The following TDRD10 variants were observed in gnomAD, a reference collection of about 807,000 sequenced individuals.
The protein encoded by TDRD10 is tudor domain-containing protein 10.
Under a neutral mutation model 48.0 loss-of-function variants are expected in TDRD10, and 40 were observed. The observed-to-expected ratio is 0.83, with a 90% confidence interval of 0.65 to 1.09. The LOEUF is 1.09. Among genes scored for constraint, TDRD10 ranks in the 50% least tolerant of loss-of-function variants. TDRD10 has a pLI of 0.00. For missense variants in TDRD10, 378 were observed against 434.7 expected, an observed-to-expected ratio of 0.87 and a Z score of 1.16; for synonymous variants, 162 against 170.4, an observed-to-expected ratio of 0.95 and a Z score of 0.38.
At chr1:154,542,121 G>A in intron 7 of TDRD10, 55 bp downstream of exon 7, 1 of 1,592,758 alleles carries the variant, frequency 6.3e-7, no homozygotes, top group South Asian at 1.1e-5. Flanking sequence ...GCTCCTAATG[G>A]ACCTCTTCCA....
Position 154,513,843 on chromosome 1 carries a change from A to G in TDRD10, c.141+5362A>G, listed in dbSNP as rs139974481. ...AACAGCTGACCTGATTTCTAGAACA[A>G]TTCAGTCACGGAAAAATTAAAGTAG... is the stretch of plus-strand genomic sequence containing the variant. On this transcript the variant is annotated intron_variant, in intron 4 of 12. Transcript: ENST00000368482. 4.9e-4 allele frequency among the ~76,000 whole-genome samples: 74 copies of G among 152,328 alleles called. 1 individual carries two copies. In the East Asian group the frequency reaches 0.013, roughly 26 times the overall value.
chr1:154,507,820 T>C (rs1693234811), intron 3 of TDRD10, among the ~76,000 whole-genome samples: 1 of 152,186 alleles, frequency 6.6e-6, no homozygotes, highest in Non-Finnish European at 1.5e-5. Context: ...ATGAGCAATT[T>C]CCCAAATGTG....
intron 6 of TDRD10, among the ~76,000 whole-genome samples, chr1:154,535,766 A>C (rs1428692459): frequency 6.6e-6 from 1 of 152,204 alleles, no homozygotes; most frequent in East Asian, 1.9e-4. Flanking sequence ...GAAAGCTATG[A>C]AGGAGTGTGT....
intron 6 of TDRD10, among the ~76,000 whole-genome samples, chr1:154,539,124 G>A (rs1480224342): frequency 1.3e-5 from 2 of 152,094 alleles, no homozygotes; most frequent in African/African-American, 4.8e-5. Flanking sequence ...TCTTGAATCC[G>A]CACTTGTAAC....
In TDRD10 at chr1:154,544,190, G is replaced by A. The variant is rs116227097; in HGVS notation, c.651+80G>A. The stretch of plus-strand genomic sequence containing the variant: ...CTAGGGTGGGCATGGTGACGGGGCC[G>A]GTCAGTGGTGGAGATGCAGGGTAAC... On this transcript the variant is annotated intron_variant, in intron 9 of 12. Transcript: ENST00000368482. The A allele has an allele frequency of 3.0e-3, 4,794 of 1,596,868 alleles. 122 individuals are homozygous for A. In the African/African-American group the frequency reaches 0.054, roughly 18 times the overall value.
chr1:154,508,398 C>G (rs753463943), intron 3 of TDRD10, 25 bp from the exon 4 acceptor site: 8 of 1,542,902 alleles, frequency 5.2e-6, no homozygotes, highest in Non-Finnish European at 7.2e-6. Flanking sequence ...GTATGCCTGC[C>G]ATTTAATGCT....
chr1:154,503,582 C>T (rs1455282501), intron 1 of TDRD10, among the ~76,000 whole-genome samples: 1 of 152,014 alleles, frequency 6.6e-6, no homozygotes, highest in South Asian at 2.1e-4. Flanking sequence ...AGCGAGACTC[C>T]GTCTCAAAAA....
chr1:154,541,931 T>C, intron 6 of TDRD10, 93 bp from the exon 7 acceptor site: 1 of 1,305,972 alleles, frequency 7.7e-7, no homozygotes, highest in Non-Finnish European at 1.1e-6. Flanking sequence ...CTGCCGATGC[T>C]CTGTCTCCCA....
intron 11 of TDRD10, 36 bp from the exon 12 acceptor site, chr1:154,547,373 G>A (rs201570392): frequency 6.8e-6 from 11 of 1,613,076 alleles, no homozygotes; most frequent in Admixed American, 6.7e-5. Context: ...CCAACCCCGT[G>A]CCACTGAGGT....
chr1:154,529,411 C>T (rs948997669), intron 6 of TDRD10, among the ~76,000 whole-genome samples: 4 of 152,030 alleles, frequency 2.6e-5, no homozygotes, highest in East Asian at 1.9e-4. Flanking sequence ...AATATAACAT[C>T]GAAAACTCAA....
At chr1:154,546,685 C>G (rs1184042585) in intron 11 of TDRD10, among the ~76,000 whole-genome samples, 3 of 151,988 alleles carry the variant, frequency 2.0e-5, no homozygotes, top group Non-Finnish European at 4.4e-5. Flanking sequence ...TCAGGTGACC[C>G]AGGGAAGAGG....
At chr1:154,524,422 C>T (rs1452450658) in intron 6 of TDRD10, among the ~76,000 whole-genome samples, 1 of 152,176 alleles carries the variant, frequency 6.6e-6, no homozygotes, top group African/African-American at 2.4e-5. Context: ...CCACCTTGGC[C>T]TCTCAAAGTG....
rs369883839 is a variant in TDRD10 at position 154,547,546 on chromosome 1, G to A, written c.1023+67G>A. 10 of 1,614,118 alleles carry A rather than the reference G, an allele frequency of 6.2e-6. No homozygotes were observed. The South Asian group carries it at 7.7e-5, about 12-fold the overall frequency. On this transcript the variant is annotated intron_variant, in intron 12 of 12. Coordinates refer to ENST00000368482, the MANE Select transcript of TDRD10 (RefSeq NM_182499.4). Reference sequence around the variant, plus strand: ...CCTGCCCTTGGGGTGTCTGCAGCAGGCTGCTGCCTAGGCCTGGACACAGTA... The same window carrying A: ...CCTGCCCTTGGGGTGTCTGCAGCAGACTGCTGCCTAGGCCTGGACACAGTA...
intron 6 of TDRD10, among the ~76,000 whole-genome samples, chr1:154,532,774 G>A (rs1182570899): frequency 6.6e-6 from 1 of 152,200 alleles, no homozygotes; most frequent in African/African-American, 2.4e-5. Flanking sequence ...TTCCTCTGAT[G>A]CTGCTCCCAC....
intron 6 of TDRD10, among the ~76,000 whole-genome samples, chr1:154,541,207 G>A (rs1695208827): frequency 6.6e-6 from 1 of 151,882 alleles, no homozygotes; most frequent in Non-Finnish European, 1.5e-5. Context: ...CAGCAGGGTG[G>A]GTCTGCAGGG....
chr1:154,519,858 G>A (rs2149325046), intron 4 of TDRD10, among the ~76,000 whole-genome samples: 1 of 152,152 alleles, frequency 6.6e-6, no homozygotes, highest in South Asian at 2.1e-4. Context: ...GAGGAGAAGG[G>A]TGTGGGGAAA....
Position 154,544,496 on chromosome 1 carries a change from A to T in TDRD10, c.776A>T (p.Asp259Val). ...TRCLAEYHLG[D>V]YGHAWNRCWV... ...TGTCTGGCAGAGTACCACCTGGGGGATTATGGACACGCCTGGAACAGGTGT... is the reference window on the plus strand; with the variant it reads ...TGTCTGGCAGAGTACCACCTGGGGGTTTATGGACACGCCTGGAACAGGTGT... The change falls in exon 10 of 13, where the codon GAT (aspartate) becomes GTT (valine). Residue 259 changes from aspartate to valine, a missense_variant. Physicochemically the swap from Asp to Val is radical, Grantham distance 152. Around this residue, in one of 2 missense-constraint regions of TDRD10, gnomAD observed 310 missense variants for 323.6 expected, o/e 0.96. Coordinates refer to ENST00000368482, the MANE Select transcript of TDRD10 (RefSeq NM_182499.4). 1 of 1,613,770 alleles carries T rather than the reference A, an allele frequency of 6.2e-7. No individual in the cohort carries two copies. The highest frequency in any genetic ancestry group is 1.7e-5 in the Admixed American group (1 of 59,992).
intron 4 of TDRD10, among the ~76,000 whole-genome samples, chr1:154,516,322 AAG>A (rs1051726419): frequency 2.1e-4 from 32 of 152,202 alleles, no homozygotes; most frequent in African/African-American, 7.7e-4. Context: ...AGGTGCTGGA[AAG>A]AGAGGAGCTG....
chr1:154,533,893 AT>A (rs201435535), intron 6 of TDRD10, among the ~76,000 whole-genome samples: 6,432 of 103,448 alleles, frequency 0.062, 496 homozygotes, highest in African/African-American at 0.2. Context: ...ATATATATAT[AT>A]TTTTTTTTAA....
Sources: gnomAD v4.1 joint callset for allele counts (sites outside exome capture counted in the v4.1 genomes callset) on GRCh38, gnomAD v4.1.1 for gene constraint, gnomAD v4.1.1 regional missense constraint, MANE v1.5 for transcripts, NCBI Gene and HGNC (gene_info 2026-07-23, HGNC 2026-07-21) for gene names.